The following IGSF3 variants were observed in gnomAD, a reference collection of about 807,000 sequenced individuals.
The protein encoded by IGSF3 is immunoglobulin superfamily member 3, also known as glu-Trp-Ile EWI motif-containing protein 3.
Under a neutral mutation model 114.4 loss-of-function variants are expected in IGSF3, and 23 were observed. The observed-to-expected ratio is 0.20, with a 90% CI of 0.14 to 0.28. IGSF3 has a LOEUF of 0.28. Among genes scored for constraint, IGSF3 ranks in the 10% least tolerant of loss-of-function variants. IGSF3 has a pLI of 1.00. For missense variants in IGSF3, 1,172 were observed against 1,591.5 expected (o/e 0.74, Z 4.48); for synonymous variants, 571 against 645.2 (o/e 0.88, Z 1.74).
chr1:116,628,719 T>C lies in IGSF3; in HGVS notation c.44-12262A>G, dbSNP rs1441162849. ...AAGCACGTGTTACGTATGATAATAATGGATGGCCGCTCCTTCCCCCTCAGC... is the reference window on the plus strand; with the variant it reads ...AAGCACGTGTTACGTATGATAATAACGGATGGCCGCTCCTTCCCCCTCAGC... On this transcript the variant is annotated intron_variant, in intron 2 of 10. Transcript: ENST00000369486. The surrounding 1 kb of genome is among the most constrained non-coding windows in gnomAD (Gnocchi z 4.2). Among the ~76,000 whole-genome samples, 3 of 152,228 alleles carry C rather than the reference T, an allele frequency of 2.0e-5. No individual in the cohort carries two copies. Among genetic ancestry groups the C allele is most frequent in the African/African-American group, 7.2e-5 (3 of 41,446 alleles).
chr1:116,652,476 G>C (rs1204174983), intron 2 of IGSF3, among the ~76,000 whole-genome samples: 1 of 152,180 alleles, frequency 6.6e-6, no homozygotes, highest in Non-Finnish European at 1.5e-5. Flanking sequence ...GTTAGAGGTT[G>C]AACCATTATA....
chr1:116,605,351 T>C lies in IGSF3; in HGVS notation c.1223-1326A>G, dbSNP rs1281096896. On this transcript the variant is annotated intron_variant, in intron 5 of 10. Transcript: ENST00000369486. The surrounding 1 kb of genome is among the most constrained non-coding windows in gnomAD (Gnocchi z 5.1). ...AAGACGAGCACTGAGCCTCCACATG[T>C]AGCTCTTATTATAGTGAGGATGCCT... Among the ~76,000 whole-genome samples the C allele has an allele frequency of 6.6e-6, 1 of 152,006 alleles. No individual in the cohort carries two copies. Among genetic ancestry groups the C allele is most frequent in the African/African-American group, 2.4e-5 (1 of 41,370 alleles).
intron 4 of IGSF3, among the ~76,000 whole-genome samples, chr1:116,613,126 G>A (rs1345807173): frequency 6.6e-6 from 1 of 152,174 alleles, no homozygotes; most frequent in Non-Finnish European, 1.5e-5. Context: ...CCAACATAAA[G>A]TAATCTGCAT....
rs1660987571 is a variant in IGSF3 at position 116,610,725 on chromosome 1, T to C, written c.833-2394A>G. On this transcript the variant is annotated intron_variant, in intron 4 of 10. Coordinates refer to ENST00000369486, the MANE Select transcript of IGSF3 (RefSeq NM_001007237.3). The surrounding 1 kb of genome is among the most constrained non-coding windows in gnomAD (Gnocchi z 4.3). ...TTCTCTGGTCACCTCTTACTGCTGCTGTTCTCCCAGGTCCTTTCCCATTTT... is the reference window on the plus strand; with the variant it reads ...TTCTCTGGTCACCTCTTACTGCTGCCGTTCTCCCAGGTCCTTTCCCATTTT... Among the ~76,000 whole-genome samples, 1 of 152,162 alleles carries C rather than the reference T, an allele frequency of 6.6e-6. No individual in the cohort carries two copies. The highest frequency in any genetic ancestry group is 1.5e-5 in the Non-Finnish European group (1 of 68,040).
At position 116,588,605 on chromosome 1, in the gene IGSF3, C is replaced by T. The variant is rs1167262997; in HGVS notation, c.2440+89G>A. The T allele has an allele frequency of 4.0e-6, 5 of 1,257,596 alleles. No homozygotes were observed. In the African/African-American group the frequency reaches 4.5e-5, roughly 11 times the overall value. 77.9% of individuals were successfully genotyped at this position (1,257,596 alleles called of 1,614,324 possible). ...AGCATGCACCTTGCAGACAGTCTCT[C>T]CACACCAGCCCCACAGATCCCCACC... On this transcript the variant is annotated intron_variant, in intron 8 of 10. Transcript: ENST00000369486. The surrounding 1 kb of genome is among the most constrained non-coding windows in gnomAD (Gnocchi z 4.9).
At position 116,600,736 on chromosome 1, in the gene IGSF3, T is replaced by C. The variant is rs944929913; in HGVS notation, c.1625-391A>G. On this transcript the variant is annotated intron_variant, in intron 6 of 10. Coordinates refer to ENST00000369486, the MANE Select transcript of IGSF3 (RefSeq NM_001007237.3). This position sits in a 1 kb window ranked among gnomAD's most constrained non-coding sequence, Gnocchi z 5.5. ...AAAACCCCAAAGCCAATTTCCTCCA[T>C]TGCACAGGAGGAAAACACAACCACA... Among the ~76,000 whole-genome samples the C allele has an allele frequency of 2.0e-5, 3 of 152,118 alleles. No individual in the cohort carries two copies. Among genetic ancestry groups the C allele is most frequent in the Non-Finnish European group, 4.4e-5 (3 of 68,014 alleles).
Position 116,585,060 on chromosome 1 carries a change from A to G in IGSF3, c.2441-8T>C. 6.6e-7 allele frequency: 1 copy of G among 1,512,922 alleles called. No homozygotes were observed. The highest frequency in any genetic ancestry group is 1.4e-5 in the South Asian group (1 of 74,072). The allele number at this position is 1,512,922 out of a possible 1,614,324, so 93.7% of individuals were successfully genotyped here. On this transcript the variant is annotated splice_polypyrimidine_tract_variant and splice_region_variant and intron_variant, in intron 8 of 10. Coordinates refer to ENST00000369486, the MANE Select transcript of IGSF3 (RefSeq NM_001007237.3). The surrounding 1 kb of genome is among the most constrained non-coding windows in gnomAD (Gnocchi z 4.9). ...TGAGCCTCAGGCGGCTGTCTGGAAC[A>G]GTAAGGAAGAGACGTCAGCGACAAA...
intron 2 of IGSF3, among the ~76,000 whole-genome samples, chr1:116,641,561 G>A (rs1815573): frequency 0.28 from 30,123 of 108,290 alleles, 4,452 homozygotes; most frequent in African/African-American, 0.44. Flanking sequence ...AAAGAAAGAA[G>A]GAAAGAAAGA....
intron 2 of IGSF3, among the ~76,000 whole-genome samples, chr1:116,663,341 C>T (rs1649189774): frequency 6.6e-6 from 1 of 152,164 alleles, no homozygotes; most frequent in African/African-American, 2.4e-5. Flanking sequence ...CTTTTCCAGT[C>T]ACCCTTCCCT....
chr1:116,657,561 G>A lies in IGSF3; in HGVS notation c.43+8723C>T, dbSNP rs2101080434. 6.6e-6 allele frequency among the ~76,000 whole-genome samples: 1 copy of A among 152,140 alleles called. No individual in the cohort carries two copies. Among genetic ancestry groups the A allele is most frequent in the Non-Finnish European group, 1.5e-5 (1 of 67,992 alleles). ...GAACGATCATACTGGTTATCATGTG[G>A]GAAAAAAGGTTTAATTACTCCCTAA... On this transcript the variant is annotated intron_variant, in intron 2 of 10. Coordinates refer to ENST00000369486, the MANE Select transcript of IGSF3 (RefSeq NM_001007237.3). This position sits in a 1 kb window ranked among gnomAD's most constrained non-coding sequence, Gnocchi z 4.2.
intron 2 of IGSF3, among the ~76,000 whole-genome samples, chr1:116,646,377 A>AC (rs1648371130): frequency 1.3e-5 from 2 of 152,124 alleles, no homozygotes; most frequent in South Asian, 2.1e-4. Context: ...GATTCAGAAG[A>AC]CTTCCAGGAA....
At chr1:116,590,571 T>C (rs1379801116) in intron 7 of IGSF3, among the ~76,000 whole-genome samples, 1 of 152,048 alleles carries the variant, frequency 6.6e-6, no homozygotes, top group Non-Finnish European at 1.5e-5. Flanking sequence ...ACCGAGCTTG[T>C]GTGGAGGGCA....
At chr1:116,599,050 T>C (rs527619177) in intron 7 of IGSF3, among the ~76,000 whole-genome samples, 5 of 152,096 alleles carry the variant, frequency 3.3e-5, no homozygotes, top group African/African-American at 7.2e-5. Flanking sequence ...GCAGGCAACA[T>C]TGTGGGAGAA....
intron 2 of IGSF3, among the ~76,000 whole-genome samples, chr1:116,626,469 C>T (rs1571170646): frequency 6.6e-6 from 1 of 152,018 alleles, no homozygotes; most frequent in Non-Finnish European, 1.5e-5. Context: ...TTATTTATTC[C>T]AATATTAATG....
chr1:116,630,467 G>C (rs530657490), intron 2 of IGSF3, among the ~76,000 whole-genome samples: 11 of 152,304 alleles, frequency 7.2e-5, no homozygotes, highest in Admixed American at 7.2e-4. Flanking sequence ...TGTGAGGGAA[G>C]TGTACATTCC....
At position 116,638,538 on chromosome 1, in the gene IGSF3, C is replaced by T. The variant is rs1647934795; in HGVS notation, c.44-22081G>A. 1.3e-5 allele frequency among the ~76,000 whole-genome samples: 2 copies of T among 152,198 alleles called. No homozygotes were observed. The highest frequency in any genetic ancestry group is 2.9e-5 in the Non-Finnish European group (2 of 68,036). ...CCCATTCCACCTACTCAGTCTGACA[C>T]CCACCACTCCCTCCAAACATCCCCG... On this transcript the variant is annotated intron_variant, in intron 2 of 10. Coordinates refer to ENST00000369486, the MANE Select transcript of IGSF3 (RefSeq NM_001007237.3). The surrounding 1 kb of genome is among the most constrained non-coding windows in gnomAD (Gnocchi z 4.1).
rs1268943777 is a variant in IGSF3 at position 116,603,538 on chromosome 1, C to G, written c.1624+86G>C. 1.4e-5 allele frequency: 19 copies of G among 1,358,130 alleles called. No individual in the cohort carries two copies. The highest frequency in any genetic ancestry group is 1.9e-5 in the Non-Finnish European group (19 of 977,240). The allele number at this position is 1,358,130 out of a possible 1,614,324, so 84.1% of individuals were successfully genotyped here. A position where few individuals can be genotyped will look rare whatever the true frequency, so the allele number is the denominator to read the frequency against. ...GACTGGCCATAGTTTCCTGCTAAAA[C>G]TCTGACTGAGAAAAGTCAGGATAAG... On this transcript the variant is annotated intron_variant, in intron 6 of 10. Transcript: ENST00000369486. This position sits in a 1 kb window ranked among gnomAD's most constrained non-coding sequence, Gnocchi z 7.1.
Position 116,666,469 on chromosome 1 carries a change from G to T in IGSF3, c.-143C>A. 1 of 755,840 alleles carries T rather than the reference G, an allele frequency of 1.3e-6. No homozygotes were observed. The highest frequency in any genetic ancestry group is 2.3e-6 in the Non-Finnish European group (1 of 437,834). 46.8% of individuals were successfully genotyped at this position (755,840 alleles called of 1,614,324 possible). On this transcript the variant is annotated 5_prime_UTR_variant, in exon 2 of 11. Coordinates refer to ENST00000369486, the MANE Select transcript of IGSF3 (RefSeq NM_001007237.3). ...TCGGAAAATGGGAACAGATTAAAAA[G>T]AAGAGATCAGAAGGAGGGAGTTGGG...
In IGSF3 at chr1:116,595,720, G is replaced by C. The variant is rs994050392; in HGVS notation, c.2029+4221C>G. 6.6e-6 allele frequency among the ~76,000 whole-genome samples: 1 copy of C among 152,182 alleles called. No homozygotes were observed. Among genetic ancestry groups the C allele is most frequent in the Non-Finnish European group, 1.5e-5 (1 of 68,030 alleles). On this transcript the variant is annotated intron_variant, in intron 7 of 10. Transcript: ENST00000369486. The surrounding 1 kb of genome is among the most constrained non-coding windows in gnomAD (Gnocchi z 4.2). ...TATTTAATAGCCAAACCAAGATATT[G>C]TCATAAACATTTGGAAAATGAGTGC...
Sources: allele counts gnomAD v4.1 joint callset (sites outside exome capture counted in the v4.1 genomes callset), GRCh38; gene constraint gnomAD v4.1.1; non-coding constraint Gnocchi (gnomAD v3.1); transcripts MANE v1.5; gene names NCBI Gene and HGNC (gene_info 2026-07-23, HGNC 2026-07-21).